The following ARSJ variants were observed in gnomAD, a reference collection of about 807,000 sequenced individuals.
The protein encoded by ARSJ is arylsulfatase J.
ARSJ carries 26 observed loss-of-function variants against 35.9 expected under a neutral mutation model. The observed-to-expected ratio is 0.72, with a 90% CI of 0.53 to 1.00. The LOEUF is 1.00. Among genes scored for constraint, ARSJ ranks in the 50% least tolerant of loss-of-function variants. The pLI is 0.00. For synonymous variants in ARSJ, 294 were observed against 267.6 expected, an observed-to-expected ratio of 1.10 and a Z score of -0.96; for missense variants, 667 against 723.6, an observed-to-expected ratio of 0.92 and a Z score of 0.90.
chr4:113,929,712 C>T (rs892883053), intron 1 of ARSJ, among the ~76,000 whole-genome samples: 8 of 152,094 alleles, frequency 5.3e-5, no homozygotes, highest in African/African-American at 1.9e-4. Flanking sequence ...CTGTTTCGCT[C>T]AGGGCAATCT....
At position 113,900,514 on chromosome 4, in the gene ARSJ, G is replaced by T. The variant is rs548071867; in HGVS notation, c.*1760C>A. ...AGAAACTGTGAGCTGTGATATAAAT[G>T]GATTATATCACAGTCCTTTGAGTTG... On this transcript the variant is annotated 3_prime_UTR_variant, in exon 2 of 2. Transcript: ENST00000315366. The T allele has an allele frequency of 6.6e-6, 1 of 151,900 alleles. No homozygotes were observed. Among genetic ancestry groups the T allele is most frequent in the African/African-American group, 2.4e-5 (1 of 41,352 alleles). The allele number at this position is 151,900 out of a possible 1,614,324, so 9.4% of individuals were successfully genotyped here.
intron 1 of ARSJ, among the ~76,000 whole-genome samples, chr4:113,911,242 T>A (rs2099670357): frequency 6.6e-6 from 1 of 152,158 alleles, no homozygotes; most frequent in Non-Finnish European, 1.5e-5. Flanking sequence ...TTCAGACATA[T>A]CTTGACTAGT....
chr4:113,930,571 G>GTA (rs1181476042), intron 1 of ARSJ, among the ~76,000 whole-genome samples: 1 of 152,050 alleles, frequency 6.6e-6, no homozygotes, highest in Non-Finnish European at 1.5e-5. Context: ...TTTGCTCTTA[G>GTA]TAAATTATTA....
chr4:113,961,901 G>C (rs1296565100), intron 1 of ARSJ, among the ~76,000 whole-genome samples: 2 of 2,312 alleles, frequency 8.7e-4, no homozygotes, highest in African/African-American at 6.5e-3. Context: ...CTCTCTCTGT[G>C]TGTGTGTGTG....
chr4:113,948,498 C>A (rs531921052), intron 1 of ARSJ, among the ~76,000 whole-genome samples: 3 of 152,170 alleles, frequency 2.0e-5, no homozygotes, highest in African/African-American at 7.2e-5. Context: ...AGTATCTAGG[C>A]AGCTTTATTT....
intron 1 of ARSJ, chr4:113,970,846 T>C (rs1248006982): frequency 6.6e-6 from 1 of 152,116 alleles, no homozygotes; most frequent in Non-Finnish European, 1.5e-5. Context: ...TCCTAGGTAC[T>C]TGGGAGGCTG....
Position 113,903,244 on chromosome 4 carries a change from CT to C in ARSJ, c.829del (p.Arg277GlyfsTer12), listed in dbSNP as rs1423698029. 1 of 1,614,148 alleles carries C rather than the reference CT, an allele frequency of 6.2e-7. No individual in the cohort carries two copies. Among genetic ancestry groups the C allele is most frequent in the East Asian group, 2.2e-5 (1 of 44,892 alleles). On this transcript the variant is annotated frameshift_variant, in exon 2 of 2. Transcript: ENST00000315366. LOFTEE classifies it high-confidence loss of function. The stretch of plus-strand genomic sequence containing the variant: ...AATGGATCGGTAGTGTTCGAAATAC[CT>C]GCCAGGAGCTTGCAGTGGTGAATGA... ...AVHSPLQAPG[R>X]YFEHYRSIIN...
At chr4:113,945,001 A>C (rs533549495) in intron 1 of ARSJ, among the ~76,000 whole-genome samples, 97 of 152,142 alleles carry the variant, frequency 6.4e-4, no homozygotes, top group African/African-American at 2.3e-3. Context: ...AATAAATAAA[A>C]TATTTGGCGT....
chr4:113,972,303 A>AC (rs1562379333), intron 1 of ARSJ, among the ~76,000 whole-genome samples: 3 of 141,536 alleles, frequency 2.1e-5, no homozygotes, highest in South Asian at 4.6e-4. Flanking sequence ...GAAAAAAAAA[A>AC]AAACAAAAAA....
At chr4:113,937,359 A>C (rs1469861278) in intron 1 of ARSJ, among the ~76,000 whole-genome samples, 8 of 151,674 alleles carry the variant, frequency 5.3e-5, no homozygotes, top group Admixed American at 5.3e-4. Context: ...GAAAATATGG[A>C]TAATAAAGTA....
intron 1 of ARSJ, among the ~76,000 whole-genome samples, chr4:113,949,624 C>T (rs542219708): frequency 2.8e-4 from 43 of 152,198 alleles, no homozygotes; most frequent in Admixed American, 3.3e-4. Flanking sequence ...CCAACTTAAA[C>T]GTAGACAGAG....
chr4:113,923,787 T>A (rs1300891073), intron 1 of ARSJ, among the ~76,000 whole-genome samples: 1 of 151,706 alleles, frequency 6.6e-6, no homozygotes, highest in East Asian at 1.9e-4. Context: ...GGGTACTGTA[T>A]TGGATAGTGA....
At chr4:113,935,283 A>C (rs972459921) in intron 1 of ARSJ, among the ~76,000 whole-genome samples, 1 of 151,916 alleles carries the variant, frequency 6.6e-6, no homozygotes, top group African/African-American at 2.4e-5. Context: ...GTAACCTACA[A>C]AAAGCACTGT....
At chr4:113,948,672 A>C (rs921127073) in intron 1 of ARSJ, among the ~76,000 whole-genome samples, 1 of 152,116 alleles carries the variant, frequency 6.6e-6, no homozygotes, top group African/African-American at 2.4e-5. Flanking sequence ...CTAAGTGATC[A>C]TACTTTAGAA....
At chr4:113,940,489 G>A (rs912509424) in intron 1 of ARSJ, among the ~76,000 whole-genome samples, 7 of 151,900 alleles carry the variant, frequency 4.6e-5, no homozygotes, top group African/African-American at 1.7e-4. Context: ...GGACCTATAG[G>A]GAGTGGGCGG....
At chr4:113,947,609 G>T (rs6836000) in intron 1 of ARSJ, among the ~76,000 whole-genome samples, 2,872 of 146,364 alleles carry the variant, frequency 0.02, 82 homozygotes, top group African/African-American at 0.07. Context: ...GGGAGAGAGA[G>T]GGAGGGAGGA....
Position 113,902,128 on chromosome 4 carries a change from G to A in ARSJ, c.*146C>T. 2 of 1,595,532 alleles carry A rather than the reference G, an allele frequency of 1.3e-6. No homozygotes were observed. Among genetic ancestry groups the A allele is most frequent in the Non-Finnish European group, 1.7e-6 (2 of 1,178,458 alleles). On this transcript the variant is annotated 3_prime_UTR_variant, in exon 2 of 2. Transcript: ENST00000315366. ...ACAGTTTTCAGTGTGGCGGCCAGGT[G>A]GCAGAAGTCTCTGGAGTGGCACAGC...
At chr4:113,928,502 C>G (rs1724222555) in intron 1 of ARSJ, among the ~76,000 whole-genome samples, 1 of 152,142 alleles carries the variant, frequency 6.6e-6, no homozygotes, top group Non-Finnish European at 1.5e-5. Context: ...ATGCAGTAGG[C>G]TTCCTATCAA....
At chr4:113,933,162 G>GA (rs1724561792) in intron 1 of ARSJ, among the ~76,000 whole-genome samples, 1 of 151,812 alleles carries the variant, frequency 6.6e-6, no homozygotes, top group South Asian at 2.1e-4. Context: ...GAACCATGAA[G>GA]AAACAGAAAA....
Sources: gnomAD v4.1 joint callset for allele counts (sites outside exome capture counted in the v4.1 genomes callset) on GRCh38, gnomAD v4.1.1 for gene constraint, MANE v1.5 for transcripts, NCBI Gene and HGNC (gene_info 2026-07-23, HGNC 2026-07-21) for gene names.